SVEP1: variants seen among roughly 807,000 people sequenced by gnomAD.
The protein encoded by SVEP1 is sushi, von Willebrand factor type A, EGF and pentraxin domain containing 1, also known as sushi, von Willebrand factor type A, EGF and pentraxin domain-containing protein 1.
Under a neutral mutation model 367.3 loss-of-function variants are expected in SVEP1, and 164 were observed. The observed-to-expected ratio is 0.45, with a 90% CI of 0.39 to 0.51. The LOEUF is 0.51. SVEP1 is among the 20% of genes least tolerant of loss of function. SVEP1 has a pLI of 0.00. For synonymous variants in SVEP1, 1,666 were observed against 1,611.6 expected, an observed-to-expected ratio of 1.03 and a Z score of -0.81; for missense variants, 4,117 against 4,425.3, an observed-to-expected ratio of 0.93 and a Z score of 1.98.
At chr9:110,388,564 A>T (rs533051988) in intron 41 of SVEP1, among the ~76,000 whole-genome samples, 1 of 152,298 alleles carries the variant, frequency 6.6e-6, no homozygotes, top group Admixed American at 6.5e-5. Flanking sequence ...CTCAGAGTTG[A>T]GTCCCTGGAC....
intron 3 of SVEP1, among the ~76,000 whole-genome samples, chr9:110,521,299 GT>G (rs1829872499): frequency 6.6e-6 from 1 of 152,110 alleles, no homozygotes; most frequent in Non-Finnish European, 1.5e-5. Flanking sequence ...GCAGCCTGTC[GT>G]TCTCCCTGTG....
At chr9:110,476,106 A>G in intron 14 of SVEP1, 98 bp downstream of exon 14, 1 of 693,860 alleles carries the variant, frequency 1.4e-6, no homozygotes, top group Non-Finnish European at 2.5e-6. Context: ...TGAATAAATT[A>G]ATAGAAGTTA....
intron 3 of SVEP1, among the ~76,000 whole-genome samples, chr9:110,521,430 G>A (rs1194716864): frequency 6.6e-6 from 1 of 152,202 alleles, no homozygotes. Context: ...TATTGCAAAT[G>A]TAAGCACACG....
chr9:110,526,725 C>T (rs1197965330), intron 3 of SVEP1, among the ~76,000 whole-genome samples: 1 of 152,108 alleles, frequency 6.6e-6, no homozygotes, highest in Non-Finnish European at 1.5e-5. Flanking sequence ...AAAACCTATA[C>T]ACAAATGTGT....
In SVEP1 at chr9:110,416,108, T is replaced by C. The variant is rs1225271682; in HGVS notation, c.5976-4373A>G. 2.0e-5 allele frequency among the ~76,000 whole-genome samples: 3 copies of C among 152,090 alleles called. No individual in the cohort carries two copies. The East Asian group carries it at 5.8e-4, about 29-fold the overall frequency. The stretch of plus-strand genomic sequence containing the variant: ...TTACCATAGATAAAACAAGCCCTGT[T>C]TACTATAAGGGCACAATCTGAATTT... On this transcript the variant is annotated intron_variant, in intron 36 of 47. Transcript: ENST00000374469.
At position 110,450,475 on chromosome 9, in the gene SVEP1, T is replaced by TTG. The variant is rs1426001804; in HGVS notation, c.3902-216_3902-215insCA. Among the ~76,000 whole-genome samples the TTG allele has an allele frequency of 4.1e-5, 6 of 146,582 alleles. 1 individual carries two copies. The highest frequency in any genetic ancestry group is 1.3e-4 in the African/African-American group (5 of 39,476). ...TGAGTTTTTGATAATCTGTTTTTTT[T>TTG]TTTTTTTTTTTTGAGACAGAGTCTT... On this transcript the variant is annotated intron_variant, in intron 23 of 47. Transcript: ENST00000374469.
chr9:110,429,176 G>T lies in SVEP1; in HGVS notation c.5774C>A (p.Ser1925Tyr), dbSNP rs757743103. 5 of 1,598,732 alleles carry T rather than the reference G, an allele frequency of 3.1e-6. No individual in the cohort carries two copies. Among genetic ancestry groups the T allele is most frequent in the Non-Finnish European group, 3.4e-6 (4 of 1,172,008 alleles). ...TGTATCGCATGAATATGATGCAGTA[G>T]AAAGGTAGGTAAGCCCACTCAAAAT... is the stretch of plus-strand genomic sequence containing the variant. The part of the protein sequence containing the change: ...KYILSGLTYL[S>Y]TASYSCDTGY... The change falls in exon 35 of 48, where the codon TCT (serine) becomes TAT (tyrosine). Residue 1925 changes from serine to tyrosine, a missense_variant. Ser to Tyr is a moderately radical substitution (Grantham distance 144). This residue lies in a region of SVEP1 where 2,174 missense variants were observed against 2,494.3 expected (regional missense o/e 0.87). Coordinates refer to ENST00000374469, the MANE Select transcript of SVEP1 (RefSeq NM_153366.4).
At chr9:110,411,982 A>G (rs558691129) in intron 36 of SVEP1, among the ~76,000 whole-genome samples, 3 of 152,192 alleles carry the variant, frequency 2.0e-5, no homozygotes, top group Non-Finnish European at 4.4e-5. Flanking sequence ...TTAAAATAAT[A>G]TTGACTCTTT....
intron 2 of SVEP1, among the ~76,000 whole-genome samples, chr9:110,549,593 G>T (rs1335478957): frequency 6.6e-6 from 1 of 152,078 alleles, no homozygotes; most frequent in Admixed American, 6.6e-5. Context: ...TGATTCTAAG[G>T]TGGGAGCATA....
chr9:110,543,474 A>G (rs1363336646), intron 3 of SVEP1, among the ~76,000 whole-genome samples: 2 of 148,056 alleles, frequency 1.4e-5, no homozygotes, highest in Non-Finnish European at 2.9e-5. Flanking sequence ...CCAACTACAT[A>G]TATTTTACAG....
rs535668655 is a variant in SVEP1 at position 110,485,124 on chromosome 9, T to C, written c.1931-1431A>G. Among the ~76,000 whole-genome samples the C allele has an allele frequency of 2.0e-5, 3 of 152,278 alleles. No individual in the cohort carries two copies. The East Asian group carries it at 5.8e-4, about 29-fold the overall frequency. ...AACATAAATCATTCTGTTACAAAGA[T>C]ACATGCACGTGTATGTTCATTGCAG... On this transcript the variant is annotated intron_variant, in intron 9 of 47. Transcript: ENST00000374469.
chr9:110,413,135 C>T (rs1828068675), intron 36 of SVEP1, among the ~76,000 whole-genome samples: 1 of 141,128 alleles, frequency 7.1e-6, no homozygotes, highest in Admixed American at 7.3e-5. Flanking sequence ...AGACTTGGAA[C>T]CAACCCAAAT....
intron 3 of SVEP1, among the ~76,000 whole-genome samples, chr9:110,516,534 T>C (rs1829806906): frequency 6.6e-6 from 1 of 152,102 alleles, no homozygotes; most frequent in Non-Finnish European, 1.5e-5. Flanking sequence ...TTTATATTAC[T>C]GAATATTAAT....
intron 3 of SVEP1, among the ~76,000 whole-genome samples, chr9:110,518,780 TG>T (rs1361664517): frequency 2.6e-5 from 4 of 152,216 alleles, no homozygotes; most frequent in Non-Finnish European, 5.9e-5. Flanking sequence ...ATCTCTCTTC[TG>T]GTTTTTACAA....
chr9:110,523,834 G>T (rs530933097), intron 3 of SVEP1, among the ~76,000 whole-genome samples: 24 of 150,502 alleles, frequency 1.6e-4, no homozygotes, highest in African/African-American at 5.6e-4. Flanking sequence ...TTAGAGGGAA[G>T]GAAATAGTAA....
In SVEP1 at chr9:110,431,902, A is replaced by G. The variant is rs759427420; in HGVS notation, c.5353+13T>C. 22 of 1,613,268 alleles carry G rather than the reference A, an allele frequency of 1.4e-5. No individual in the cohort carries two copies. In the South Asian group the frequency reaches 2.1e-4, roughly 15 times the overall value. ...TGGAATTAGGAACTTTTAGTTCTACATATATTGGTTACCTGCACAGTTTTT... is the reference window on the plus strand; with the variant it reads ...TGGAATTAGGAACTTTTAGTTCTACGTATATTGGTTACCTGCACAGTTTTT... On this transcript the variant is annotated intron_variant, in intron 32 of 47. Transcript: ENST00000374469.
chr9:110,579,660 A>T lies in SVEP1; in HGVS notation c.-117T>A. On this transcript the variant is annotated 5_prime_UTR_variant, in exon 1 of 48. Coordinates refer to ENST00000374469, the MANE Select transcript of SVEP1 (RefSeq NM_153366.4). This position sits in a 1 kb window ranked among gnomAD's most constrained non-coding sequence, Gnocchi z 5.3. ...CGGAGCTGGGCGCGGGGCAGCGGCCAAGAGCCTCAGCGCCCTTTCATCTGA... is the reference window on the plus strand; with the variant it reads ...CGGAGCTGGGCGCGGGGCAGCGGCCTAGAGCCTCAGCGCCCTTTCATCTGA... 1 of 1,259,640 alleles carries T rather than the reference A, an allele frequency of 7.9e-7. No homozygotes were observed. The highest frequency in any genetic ancestry group is 3.0e-5 in the East Asian group (1 of 33,850). The allele number at this position is 1,259,640 out of a possible 1,614,324, so 78.0% of individuals were successfully genotyped here.
chr9:110,495,286 G>T (rs187210897), intron 8 of SVEP1, among the ~76,000 whole-genome samples: 1 of 152,212 alleles, frequency 6.6e-6, no homozygotes, highest in African/African-American at 2.4e-5. Context: ...CTGTGAACAC[G>T]TTGCCTTACA....
chr9:110,569,456 C>CAAAAAA (rs11368565), intron 1 of SVEP1, among the ~76,000 whole-genome samples: 2 of 116,916 alleles, frequency 1.7e-5, no homozygotes, highest in African/African-American at 3.1e-5. Context: ...AACTCAGTCT[C>CAAAAAA]AAAAAAAAAA....
Sources: allele counts gnomAD v4.1 joint callset (sites outside exome capture counted in the v4.1 genomes callset), GRCh38; gene constraint gnomAD v4.1.1; regional missense constraint gnomAD v4.1.1; non-coding constraint Gnocchi (gnomAD v3.1); transcripts MANE v1.5; gene names NCBI Gene and HGNC (gene_info 2026-07-23, HGNC 2026-07-21).